The following KIF21A variants were observed in gnomAD, a reference collection of about 807,000 sequenced individuals.
KIF21A encodes kinesin-like protein KIF21A.
A neutral mutation model predicts 202.9 loss-of-function variants in KIF21A; 114 were observed. That is an observed-to-expected ratio of 0.56 (90% confidence interval 0.48 to 0.66). The LOEUF is 0.66. Among genes scored for constraint, KIF21A ranks in the 30% least tolerant of loss-of-function variants. The probability of loss-of-function intolerance (pLI) is 0.00; values close to 1 mark genes in which losing one functional copy is unlikely to be tolerated. For missense variants in KIF21A, 1,677 were observed against 1,994.9 expected (o/e 0.84, Z 3.04); for synonymous variants, 667 against 670.8 (o/e 0.99, Z 0.09).
chr12:39,358,696 T>C (rs1272894035), intron 7 of KIF21A, among the ~76,000 whole-genome samples: 1 of 152,204 alleles, frequency 6.6e-6, no homozygotes, highest in Non-Finnish European at 1.5e-5. Context: ...ACACTGAAAA[T>C]CTAAAACCAC....
Position 39,443,038 on chromosome 12 carries a change from C to A in KIF21A, c.-68G>T. The A allele has an allele frequency of 6.8e-7, 1 of 1,470,466 alleles. No homozygotes were observed. The highest frequency in any genetic ancestry group is 1.3e-5 in the South Asian group (1 of 77,854). The allele number at this position is 1,470,466 out of a possible 1,614,324, so 91.1% of individuals were successfully genotyped here. A position where few individuals can be genotyped will look rare whatever the true frequency, so the allele number is the denominator to read the frequency against. On this transcript the variant is annotated 5_prime_UTR_variant, in exon 1 of 38. Transcript: ENST00000361418. ...CAGAGCTGAGGCGCCACTGGGGCCG[C>A]GGGACTCGGGCGCAGTAGGCTGGGG...
intron 37 of KIF21A, among the ~76,000 whole-genome samples, chr12:39,295,094 C>T (rs1042327085): frequency 6.6e-6 from 1 of 152,016 alleles, no homozygotes; most frequent in East Asian, 1.9e-4. Flanking sequence ...GCAAATAAGC[C>T]CACAGAAAAA....
chr12:39,297,655 G>T (rs1942530154), intron 37 of KIF21A, among the ~76,000 whole-genome samples: 2 of 150,878 alleles, frequency 1.3e-5, no homozygotes, highest in Admixed American at 1.3e-4. Flanking sequence ...GTTAGTGAGT[G>T]CAGCGCACCA....
chr12:39,430,863 G>T (rs1483256666), intron 1 of KIF21A, among the ~76,000 whole-genome samples: 1 of 152,128 alleles, frequency 6.6e-6, no homozygotes, highest in African/African-American at 2.4e-5. Flanking sequence ...TTTGTAAGAA[G>T]AAGAAGACTT....
At chr12:39,316,571 T>G (rs544514638) in intron 29 of KIF21A, among the ~76,000 whole-genome samples, 2 of 152,284 alleles carry the variant, frequency 1.3e-5, no homozygotes, top group South Asian at 4.1e-4. Context: ...GTCACTTCTG[T>G]TAGCCCTACC....
intron 1 of KIF21A, among the ~76,000 whole-genome samples, chr12:39,390,915 G>A (rs1408903337): frequency 6.6e-6 from 1 of 152,190 alleles, no homozygotes; most frequent in African/African-American, 2.4e-5. Flanking sequence ...GAGAGAGCCA[G>A]AATTCAAGCC....
At chr12:39,340,458 T>C in intron 15 of KIF21A, 94 bp from the exon 16 acceptor site, 1 of 901,812 alleles carries the variant, frequency 1.1e-6, no homozygotes, top group Non-Finnish European at 1.7e-6. Flanking sequence ...GAAGAGCTAC[T>C]TCCCAAACAC....
chr12:39,428,120 T>A (rs1196239190), intron 1 of KIF21A, among the ~76,000 whole-genome samples: 2 of 152,238 alleles, frequency 1.3e-5, no homozygotes, highest in African/African-American at 4.8e-5. Flanking sequence ...ATTATCCTAA[T>A]AGCTTATATG....
chr12:39,340,230 G>T lies in KIF21A; in HGVS notation c.2245C>A (p.Gln749Lys), dbSNP rs1393671045. Reference protein sequence around the residue: ...QKEHARLLKNQSQYEKQLKKL... With the variant: ...QKEHARLLKNKSQYEKQLKKL... ...TTCAATTGCTTTTCATACTGAGACT[G>T]ATTTTTAAGCAACCTTGCATGTTCT... The change falls in exon 16 of 38, where the codon CAG (glutamine) becomes AAG (lysine). Residue 749 changes from glutamine (Q) to lysine (K), a missense_variant. Physicochemically the swap from Gln to Lys is moderately conservative, Grantham distance 53. Coordinates refer to ENST00000361418, the MANE Select transcript of KIF21A (RefSeq NM_001173464.2). 1 of 1,613,012 alleles carries T rather than the reference G, an allele frequency of 6.2e-7. No individual in the cohort carries two copies.
intron 16 of KIF21A, among the ~76,000 whole-genome samples, chr12:39,339,569 T>A (rs1273986068): frequency 1.3e-5 from 2 of 152,174 alleles, no homozygotes; most frequent in African/African-American, 4.8e-5. Flanking sequence ...CACTTCCATA[T>A]TTGCTATTTT....
chr12:39,400,102 T>A (rs1361797413), intron 1 of KIF21A, among the ~76,000 whole-genome samples: 1 of 152,242 alleles, frequency 6.6e-6, no homozygotes, highest in East Asian at 1.9e-4. Context: ...CACAAAAAAT[T>A]CTTCCTGGTT....
intron 1 of KIF21A, among the ~76,000 whole-genome samples, chr12:39,402,665 G>A (rs764750803): frequency 9.8e-5 from 15 of 152,310 alleles, no homozygotes; most frequent in Non-Finnish European, 1.9e-4. Flanking sequence ...CCTGCAGCCT[G>A]TAGGCTGCAT....
intron 12 of KIF21A, among the ~76,000 whole-genome samples, chr12:39,343,070 A>G (rs1947577671): frequency 6.6e-6 from 1 of 152,192 alleles, no homozygotes; most frequent in Admixed American, 6.5e-5. Flanking sequence ...CTATATATGA[A>G]CTATTTCCTT....
chr12:39,334,771 T>C (rs967955208), intron 17 of KIF21A, among the ~76,000 whole-genome samples: 4 of 152,152 alleles, frequency 2.6e-5, no homozygotes, highest in Non-Finnish European at 2.9e-5. Context: ...AGAGGGAGTA[T>C]GAATGTTAGC....
intron 17 of KIF21A, among the ~76,000 whole-genome samples, chr12:39,336,152 C>A (rs1261239350): frequency 1.3e-5 from 2 of 151,930 alleles, no homozygotes; most frequent in African/African-American, 4.8e-5. Flanking sequence ...CTCCTGGGCT[C>A]AAAGCAATCC....
Position 39,322,886 on chromosome 12 carries a change from G to A in KIF21A, c.3457-4C>T, listed in dbSNP as rs767105268. 49 of 1,591,382 alleles carry A rather than the reference G, an allele frequency of 3.1e-5. No individual in the cohort carries two copies. In the Admixed American group the frequency reaches 6.0e-4, roughly 20 times the overall value. On this transcript the variant is annotated splice_region_variant and splice_polypyrimidine_tract_variant and intron_variant, in intron 26 of 37. Transcript: ENST00000361418. ...GAGTGGTGGTTCTCCTTCGGGCCTA[G>A]TCAAAGAATGGAAGGAAAAGCAATC...
In KIF21A at chr12:39,313,731, G is replaced by A. The variant is rs143851489; in HGVS notation, c.3959+1498C>T. On this transcript the variant is annotated intron_variant, in intron 31 of 37. Transcript: ENST00000361418. Reference sequence around the variant, plus strand: ...ACAAAATTCATTTATTTTATATGCCGACTCACTATCAATGATTTGTTTAAT... The same window carrying A: ...ACAAAATTCATTTATTTTATATGCCAACTCACTATCAATGATTTGTTTAAT... Among the ~76,000 whole-genome samples the A allele has an allele frequency of 5.8e-3, 879 of 151,768 alleles. 3 individuals carry two copies. The highest frequency in any genetic ancestry group is 8.1e-3 in the Non-Finnish European group (550 of 67,726).
chr12:39,351,752 T>C, intron 11 of KIF21A, 25 bp downstream of exon 11: 1 of 1,340,198 alleles, frequency 7.5e-7, no homozygotes, highest in Non-Finnish European at 1.1e-6. Flanking sequence ...TAGAGATTCA[T>C]TTAGTGGTGA....
chr12:39,325,968 A>C, intron 25 of KIF21A, 75 bp from the exon 26 acceptor site: 2 of 1,136,488 alleles, frequency 1.8e-6, no homozygotes, highest in South Asian at 2.7e-5. Flanking sequence ...CTCTATATCA[A>C]CGACTACAAA....
Sources: gnomAD v4.1 joint callset for allele counts (sites outside exome capture counted in the v4.1 genomes callset) on GRCh38, gnomAD v4.1.1 for gene constraint, MANE v1.5 for transcripts, NCBI Gene and HGNC (gene_info 2026-07-23, HGNC 2026-07-21) for gene names.